RBFOX2: variants seen among roughly 807,000 people sequenced by gnomAD.
RBFOX2 encodes RNA binding protein fox-1 homolog 2.
A neutral mutation model predicts 49.1 loss-of-function variants in RBFOX2; 10 were observed. The ratio of observed to expected loss-of-function variants is 0.20; its 90% CI spans 0.13 to 0.35. RBFOX2 has a LOEUF of 0.35. Ranked by LOEUF, RBFOX2 falls within the 10% of genes least tolerant of loss-of-function variation. The pLI, the probability that RBFOX2 is intolerant of heterozygous loss-of-function variation, is 1.00. For missense variants in RBFOX2, 323 were observed against 486.9 expected, an observed-to-expected ratio of 0.66 and a Z score of 3.17; for synonymous variants, 183 against 187.4, an observed-to-expected ratio of 0.98 and a Z score of 0.19.
intron 1 of RBFOX2, among the ~76,000 whole-genome samples, chr22:35,980,945 G>A (rs558930442): frequency 6.6e-6 from 1 of 152,234 alleles, no homozygotes; most frequent in South Asian, 2.1e-4. Context: ...ACTTTATGGA[G>A]AATTTTCTGA....
intron 1 of RBFOX2, among the ~76,000 whole-genome samples, chr22:35,951,257 T>TC (rs2054894518): frequency 1.4e-5 from 2 of 139,796 alleles, no homozygotes; most frequent in African/African-American, 5.5e-5. Flanking sequence ...TTTTTTTTTT[T>TC]TTTTTTTGAG....
intron 1 of RBFOX2, among the ~76,000 whole-genome samples, chr22:35,956,278 C>T (rs558632201): frequency 2.6e-5 from 4 of 152,278 alleles, no homozygotes; most frequent in Admixed American, 2.6e-4. Context: ...TACAAGTTTT[C>T]CAAAACTCTA....
chr22:35,802,673 A>C (rs539234854), intron 2 of RBFOX2, among the ~76,000 whole-genome samples: 1 of 152,306 alleles, frequency 6.6e-6, no homozygotes, highest in Admixed American at 6.5e-5. Flanking sequence ...ACCTGGTGGG[A>C]ACCTAACAGG....
chr22:35,902,323 G>A (rs1044179083), intron 1 of RBFOX2, among the ~76,000 whole-genome samples: 1 of 151,908 alleles, frequency 6.6e-6, no homozygotes, highest in African/African-American at 2.4e-5. Context: ...TCTCTCCCTT[G>A]CAAATACCCT....
chr22:35,895,599 CT>C (rs776219394), intron 1 of RBFOX2, among the ~76,000 whole-genome samples: 3 of 152,116 alleles, frequency 2.0e-5, no homozygotes, highest in Non-Finnish European at 4.4e-5. Context: ...TACTACTGCC[CT>C]AGTTCACATC....
At chr22:36,024,446 G>A (rs962978442) in intron 1 of RBFOX2, among the ~76,000 whole-genome samples, 4 of 152,102 alleles carry the variant, frequency 2.6e-5, no homozygotes, top group Admixed American at 6.5e-5. Context: ...GTTAGAAAAC[G>A]TGTTAAGAAA....
At position 35,837,126 on chromosome 22, in the gene RBFOX2, A is replaced by G. The variant is rs535172867; in HGVS notation, c.27+3066T>C. On this transcript the variant is annotated intron_variant, in intron 1 of 11. Transcript: ENST00000405409. The stretch of plus-strand genomic sequence containing the variant: ...GCACTGATTACTTACTATAAATGAC[A>G]GAGTAGTTTGATAATTAAAACAAAA... 9.3e-4 allele frequency among the ~76,000 whole-genome samples: 141 copies of G among 152,364 alleles called. 1 individual carries two copies. The highest frequency in any genetic ancestry group is 3.3e-3 in the African/African-American group (138 of 41,594).
rs372112204 is a variant in RBFOX2, at chr22:35,804,733, G to C, written c.252+5047C>G. On this transcript the variant is annotated intron_variant, in intron 2 of 11. Transcript: ENST00000405409. ...TAAACAAAAACAGTATTTGTTTCCA[G>C]CAGGCCTAAAAAAAAATACTAAAAG... is the stretch of plus-strand genomic sequence containing the variant. 1.1e-4 allele frequency among the ~76,000 whole-genome samples: 16 copies of C among 152,002 alleles called. No homozygotes were observed. The South Asian group carries it at 3.3e-3, about 32-fold the overall frequency.
intron 1 of RBFOX2, among the ~76,000 whole-genome samples, chr22:36,003,429 T>G (rs558334575): frequency 1.3e-5 from 2 of 152,256 alleles, no homozygotes; most frequent in African/African-American, 4.8e-5. Flanking sequence ...AAAATTAAAC[T>G]TCTTAGCGTG....
At chr22:35,949,137 T>C (rs1254453684) in intron 1 of RBFOX2, among the ~76,000 whole-genome samples, 1 of 152,250 alleles carries the variant, frequency 6.6e-6, no homozygotes, top group Non-Finnish European at 1.5e-5. Context: ...GGTTCATCCA[T>C]ATTGTAGCAC....
chr22:35,847,346 G>A (rs16996137), intron 1 of RBFOX2, among the ~76,000 whole-genome samples: 1,973 of 152,188 alleles, frequency 0.013, 23 homozygotes, highest in Admixed American at 0.024. Flanking sequence ...AGCAATTCTA[G>A]AAATAACTTA....
At chr22:35,781,883 A>G in intron 2 of RBFOX2, 137 bp from the exon 4 acceptor site, 1 of 940,370 alleles carries the variant, frequency 1.1e-6, no homozygotes, top group Middle Eastern at 3.2e-4. Context: ...CAAAAGCAAC[A>G]ACAACAGCAG....
At position 35,893,505 on chromosome 22, in the gene RBFOX2, AG is replaced by A. The variant is rs536036071; in HGVS notation, c.-34+45341del. On this transcript the variant is annotated intron_variant, in intron 1 of 13. Coordinates refer to the RBFOX2 transcript ENST00000359369. ...AGAACAGCCCATCCTTCAGGTCAACAGGGCTGATCAATCCCACCCACAAGGC... is the reference window on the plus strand; with the variant it reads ...AGAACAGCCCATCCTTCAGGTCAACAGGCTGATCAATCCCACCCACAAGGC... 3.7e-3 allele frequency among the ~76,000 whole-genome samples: 559 copies of A among 152,330 alleles called. 1 individual carries two copies. Among genetic ancestry groups the A allele is most frequent in the Non-Finnish European group, 5.3e-3 (361 of 68,026 alleles).
At chr22:35,768,174 T>A in intron 5 of RBFOX2, 83 bp downstream of exon 6, 1 of 1,441,522 alleles carries the variant, frequency 6.9e-7, no homozygotes. Context: ...TAAGACAGGG[T>A]TCCAAATGTG....
chr22:35,848,903 T>C (rs2041545481), intron 1 of RBFOX2, among the ~76,000 whole-genome samples: 1 of 152,184 alleles, frequency 6.6e-6, no homozygotes, highest in Non-Finnish European at 1.5e-5. Context: ...TGAAGTTATT[T>C]GAGCATGAAC....
At chr22:35,770,380 A>C (rs982747744) in intron 4 of RBFOX2, among the ~76,000 whole-genome samples, 1 of 152,186 alleles carries the variant, frequency 6.6e-6, no homozygotes, top group African/African-American at 2.4e-5. Context: ...ATGAAAACTA[A>C]GACCTAGGTT....
chr22:35,783,458 G>A (rs1291112766), intron 2 of RBFOX2, among the ~76,000 whole-genome samples: 1 of 148,710 alleles, frequency 6.7e-6, no homozygotes, highest in African/African-American at 2.4e-5. Flanking sequence ...AAAAGCACAC[G>A]CCAAGAGTCT....
chr22:35,815,189 T>C lies in RBFOX2; in HGVS notation c.28-5185A>G, dbSNP rs539836858. ...AGTAAAACAGAAGAAAGCATGAACCTAAAAGTCAGACTTGAGTTTAAATTC... is the reference window on the plus strand; with the variant it reads ...AGTAAAACAGAAGAAAGCATGAACCCAAAAGTCAGACTTGAGTTTAAATTC... On this transcript the variant is annotated intron_variant, in intron 1 of 11. Coordinates refer to ENST00000405409, the Ensembl canonical transcript of RBFOX2. Among the ~76,000 whole-genome samples the C allele has an allele frequency of 4.6e-5, 7 of 152,316 alleles. No homozygotes were observed. The East Asian group carries it at 1.2e-3, about 25-fold the overall frequency.
Position 35,934,849 on chromosome 22 carries a change from C to T in RBFOX2, c.-34+3998G>A, listed in dbSNP as rs561039404. Among the ~76,000 whole-genome samples, 10 of 152,310 alleles carry T rather than the reference C, an allele frequency of 6.6e-5. No individual in the cohort carries two copies. The East Asian group carries it at 1.7e-3, about 26-fold the overall frequency. ...GCCTTAATCAAGGCCTGGGAACACG[C>T]CTAAGCACATGCACAAATCACAAAC... On this transcript the variant is annotated intron_variant, in intron 1 of 13. Transcript: ENST00000359369.
Sources: gnomAD v4.1 joint callset for allele counts (sites outside exome capture counted in the v4.1 genomes callset) on GRCh38, gnomAD v4.1.1 for gene constraint, MANE v1.5 for transcripts, NCBI Gene and HGNC (gene_info 2026-07-23, HGNC 2026-07-21) for gene names.